The following CENPP variants were observed in gnomAD, a reference collection of about 807,000 sequenced individuals.
CENPP encodes the protein centromere protein P.
In CENPP, 24 loss-of-function variants were observed where a neutral mutation model predicts 35.6. The observed-to-expected ratio is 0.67, with a 90% CI of 0.49 to 0.95. The LOEUF is 0.95. CENPP is among the 40% of genes least tolerant of loss of function. The pLI, the probability that CENPP is intolerant of heterozygous loss-of-function variation, is 0.00. For synonymous variants in CENPP, 120 were observed against 125.5 expected (o/e 0.96, Z 0.29); for missense variants, 332 against 345.3 (o/e 0.96, Z 0.31).
At position 92,613,115 on chromosome 9, in the gene CENPP, T is replaced by C; in HGVS notation, c.833T>C (p.Leu278Pro). ...LLGIEAALES[L>P]IKSLCAEENN is the part of the protein sequence containing the mutation. ...GGAATCGAAGCTGCTCTGGAAAGCC[T>C]GATAAAATCGCTTTGTGCAGAGGAG... is the stretch of plus-strand genomic sequence containing the variant. The change falls in exon 8 of 8, where the codon CTG becomes CCG. Residue 278 changes from leucine (L) to proline (P), a missense_variant. Transcript: ENST00000375587. 1 of 1,614,218 alleles carries C rather than the reference T, an allele frequency of 6.2e-7. No individual in the cohort carries two copies. Among genetic ancestry groups the C allele is most frequent in the Non-Finnish European group, 8.5e-7 (1 of 1,180,032 alleles).
At chr9:92,405,709 T>G (rs1037442105) in intron 5 of CENPP, among the ~76,000 whole-genome samples, 1 of 152,230 alleles carries the variant, frequency 6.6e-6, no homozygotes, top group Non-Finnish European at 1.5e-5. Flanking sequence ...AGATACCATA[T>G]GTCCAAATTT....
intron 5 of CENPP, among the ~76,000 whole-genome samples, chr9:92,506,418 G>A (rs1847011084): frequency 6.6e-6 from 1 of 152,180 alleles, no homozygotes; most frequent in South Asian, 2.1e-4. Context: ...AGTCTCAGGA[G>A]TGGTATGATC....
intron 5 of CENPP, among the ~76,000 whole-genome samples, chr9:92,587,578 A>G (rs1850571449): frequency 6.6e-6 from 1 of 152,248 alleles, no homozygotes; most frequent in South Asian, 2.1e-4. Context: ...TTGTATGCTA[A>G]ATAAGCCAGA....
chr9:92,418,617 G>A (rs142748280), intron 5 of CENPP, among the ~76,000 whole-genome samples: 2 of 152,074 alleles, frequency 1.3e-5, no homozygotes, highest in African/African-American at 2.4e-5. Context: ...TCACTGCCTG[G>A]GGGAGGAAAG....
At chr9:92,448,436 A>G (rs996542015) in intron 5 of CENPP, among the ~76,000 whole-genome samples, 1 of 151,648 alleles carries the variant, frequency 6.6e-6, no homozygotes, top group African/African-American at 2.4e-5. Flanking sequence ...TGCCCAGCTA[A>G]TTTTTTTGTA....
intron 5 of CENPP, among the ~76,000 whole-genome samples, chr9:92,555,356 A>G (rs185069878): frequency 6.7e-6 from 1 of 149,818 alleles, no homozygotes; most frequent in Non-Finnish European, 1.5e-5. Flanking sequence ...CCTCCCGAGT[A>G]GCTGGGATTA....
In CENPP at chr9:92,619,686, T is replaced by A; in HGVS notation, c.*6537T>A. On this transcript the variant is annotated 3_prime_UTR_variant, in exon 8 of 8. Coordinates refer to ENST00000375587, the MANE Select transcript of CENPP (RefSeq NM_001012267.3). ...CCTGCCTCAGAACCTGAGGGTGGGA[T>A]TAGGAGCGAGGGCCACGGTGAGCAC... 1 of 928,886 alleles carries A rather than the reference T, an allele frequency of 1.1e-6. No homozygotes were observed. Among genetic ancestry groups the A allele is most frequent in the Non-Finnish European group, 1.7e-6 (1 of 598,460 alleles). The allele number at this position is 928,886 out of a possible 1,614,324, so 57.5% of individuals were successfully genotyped here.
At chr9:92,457,169 C>T in intron 5 of CENPP, 17 of 1,428,924 alleles carry the variant, frequency 1.2e-5, no homozygotes, top group Non-Finnish European at 1.6e-5. Flanking sequence ...GTGGACTTAC[C>T]ACTTGAGAAT....
At chr9:92,328,507 C>T (rs546219275) in intron 1 of CENPP, among the ~76,000 whole-genome samples, 6 of 152,224 alleles carry the variant, frequency 3.9e-5, no homozygotes, top group African/African-American at 1.4e-4. Context: ...TAAAATTATA[C>T]CCAAGTTTTT....
rs952867294 is a variant in CENPP, at chr9:92,616,828, T to C, written c.*3679T>C. On this transcript the variant is annotated 3_prime_UTR_variant, in exon 8 of 8. Transcript: ENST00000375587. The stretch of plus-strand genomic sequence containing the variant: ...ACTCAGCGCACAGCACTCAAGACAC[T>C]GGCTAAACAAGTGACCTAAGCTCAG... 1 of 152,268 alleles carries C rather than the reference T, an allele frequency of 6.6e-6. No homozygotes were observed. Among genetic ancestry groups the C allele is most frequent in the Admixed American group, 6.5e-5 (1 of 15,288 alleles). 9.4% of individuals were successfully genotyped at this position (152,268 alleles called of 1,614,324 possible). A position where few individuals can be genotyped will look rare whatever the true frequency, so the allele number is the denominator to read the frequency against.
At chr9:92,386,758 G>A (rs1301276555) in intron 5 of CENPP, among the ~76,000 whole-genome samples, 1 of 152,072 alleles carries the variant, frequency 6.6e-6, no homozygotes, top group East Asian at 1.9e-4. Flanking sequence ...GTGCTTGTAT[G>A]TTTTTAGTAG....
chr9:92,544,626 A>G (rs1849388329), intron 5 of CENPP, among the ~76,000 whole-genome samples: 2 of 152,154 alleles, frequency 1.3e-5, no homozygotes, highest in East Asian at 3.8e-4. Flanking sequence ...CAAAACTAGT[A>G]AAAGCTGTGG....
rs192614176 is a variant in CENPP at position 92,358,913 on chromosome 9, C to T, written c.467+13126C>T. Among the ~76,000 whole-genome samples the T allele has an allele frequency of 3.0e-4, 45 of 148,970 alleles. No individual in the cohort carries two copies. In the East Asian group the frequency reaches 5.9e-3, roughly 20 times the overall value. On this transcript the variant is annotated intron_variant, in intron 4 of 7. Transcript: ENST00000375587. ...TATTCATTTATTTTTTTTCATTTCA[C>T]GAGGCCATTCTTTTGTATCTCTTTT...
At chr9:92,421,189 G>A (rs989005868) in intron 5 of CENPP, among the ~76,000 whole-genome samples, 18 of 152,144 alleles carry the variant, frequency 1.2e-4, no homozygotes, top group African/African-American at 3.6e-4. Context: ...ACAGATGCGT[G>A]CCACCACACC....
rs113463054 is a variant in CENPP, at chr9:92,326,548, TAAAAG to T, written c.107+449_107+453del. On this transcript the variant is annotated intron_variant, in intron 1 of 7. Transcript: ENST00000375587. Reference sequence around the variant, plus strand: ...TAACTTCGGTAAAAAACTAAGTTGATAAAAGAAAAGTAGTTAATATAGACTGCAGG... The same window carrying T: ...TAACTTCGGTAAAAAACTAAGTTGATAAAAGTAGTTAATATAGACTGCAGG... 4.8e-3 allele frequency among the ~76,000 whole-genome samples: 738 copies of T among 152,330 alleles called. 4 individuals carry two copies. The highest frequency in any genetic ancestry group is 0.015 in the African/African-American group (637 of 41,578).
upstream of CENPP, chr9:92,325,588 G>C (rs1296833057): frequency 3.8e-5 from 7 of 183,978 alleles, no homozygotes; most frequent in Non-Finnish European, 5.8e-5. Flanking sequence ...GACTAGGTCG[G>C]CGTAAGAGAG....
At chr9:92,511,123 C>T (rs1847309944) in intron 5 of CENPP, among the ~76,000 whole-genome samples, 1 of 152,034 alleles carries the variant, frequency 6.6e-6, no homozygotes, top group East Asian at 1.9e-4. Flanking sequence ...ATTCTCTCTT[C>T]TTTTCTCCTT....
At chr9:92,513,900 T>C (rs1276640255) in intron 5 of CENPP, among the ~76,000 whole-genome samples, 1 of 152,238 alleles carries the variant, frequency 6.6e-6, no homozygotes, top group African/African-American at 2.4e-5. Flanking sequence ...TAAGTTTTAC[T>C]ACATATAAAT....
Position 92,615,550 on chromosome 9 carries a change from G to A in CENPP, c.*2401G>A. The A allele has an allele frequency of 2.7e-6, 1 of 373,146 alleles. No homozygotes were observed. Among genetic ancestry groups the A allele is most frequent in the Non-Finnish European group, 4.9e-6 (1 of 202,900 alleles). The allele number at this position is 373,146 out of a possible 1,614,324, so 23.1% of individuals were successfully genotyped here. A position where few individuals can be genotyped will look rare whatever the true frequency, so the allele number is the denominator to read the frequency against. On this transcript the variant is annotated 3_prime_UTR_variant, in exon 8 of 8. Coordinates refer to ENST00000375587, the MANE Select transcript of CENPP (RefSeq NM_001012267.3). ...GAGAATCAGACATGAGCCCTGGTTG[G>A]GAAAGAAGAACTATCCAGAACGTCT... is the stretch of plus-strand genomic sequence containing the variant.
Sources: allele counts gnomAD v4.1 joint callset (sites outside exome capture counted in the v4.1 genomes callset), GRCh38; gene constraint gnomAD v4.1.1; transcripts MANE v1.5; gene names NCBI Gene and HGNC (gene_info 2026-07-23, HGNC 2026-07-21).